Variants in GARS1 observed in about 807,000 individuals in gnomAD.
The protein encoded by GARS1 is glycine--tRNA ligase.
Under a neutral mutation model 86.4 loss-of-function variants are expected in GARS1, and 46 were observed. The observed-to-expected ratio is 0.53, with a 90% CI of 0.42 to 0.68. The LOEUF (loss-of-function observed/expected upper bound fraction) is 0.68. Among genes scored for constraint, GARS1 ranks in the 30% least tolerant of loss-of-function variants. The pLI, the probability that GARS1 is intolerant of heterozygous loss-of-function variation, is 0.00. For missense variants in GARS1, 797 were observed against 915.6 expected (o/e 0.87, Z 1.67); for synonymous variants, 342 against 329.8 (o/e 1.04, Z -0.40).
In GARS1 at chr7:30,614,853, G is replaced by A. The variant is rs1425310826; in HGVS notation, c.1032-1043G>A. 3.3e-5 allele frequency among the ~76,000 whole-genome samples: 5 copies of A among 149,464 alleles called. No homozygotes were observed. In the East Asian group the frequency reaches 9.8e-4, roughly 29 times the overall value. On this transcript the variant is annotated intron_variant, in intron 8 of 16. Transcript: ENST00000389266. ...ATCGCGCCACTGCACTCCAGCCTGG[G>A]CGAGCGAGACTCCGTCTCAAAAAAA...
At chr7:30,603,902 G>T (rs1189587584) in intron 6 of GARS1, among the ~76,000 whole-genome samples, 1 of 152,062 alleles carries the variant, frequency 6.6e-6, no homozygotes, top group Non-Finnish European at 1.5e-5. Flanking sequence ...GGAGACTTCG[G>T]GGCAGATAAC....
Position 30,628,712 on chromosome 7 carries a change from A to G in GARS1, c.1809+43A>G, listed in dbSNP as rs549452056. 48 of 1,333,234 alleles carry G rather than the reference A, an allele frequency of 3.6e-5. No homozygotes were observed. The South Asian group carries it at 5.1e-4, about 14-fold the overall frequency. 82.6% of individuals were successfully genotyped at this position (1,333,234 alleles called of 1,614,324 possible). A position where few individuals can be genotyped will look rare whatever the true frequency, so the allele number is the denominator to read the frequency against. On this transcript the variant is annotated intron_variant, in intron 14 of 16. Transcript: ENST00000389266. ...GTGTGCTGTTATAGTGTCAGAAAATAAAAATTTTCTGAATTACATTGTGAA... is the reference window on the plus strand; with the variant it reads ...GTGTGCTGTTATAGTGTCAGAAAATGAAAATTTTCTGAATTACATTGTGAA...
intron 9 of GARS1, 108 bp downstream of exon 9, chr7:30,616,166 T>C: frequency 7.7e-7 from 1 of 1,303,542 alleles, no homozygotes; most frequent in Non-Finnish European, 1.1e-6. Context: ...TGGCAGTCAT[T>C]TGCTTTTTTA....
Position 30,629,127 on chromosome 7 carries a change from T to G in GARS1, c.1809+458T>G, listed in dbSNP as rs565091204. On this transcript the variant is annotated intron_variant, in intron 14 of 16. Transcript: ENST00000389266. The stretch of plus-strand genomic sequence containing the variant: ...GTACTTTTGGGGTAAAGATGTGAAT[T>G]CCTAGGTTCTACTCTGGAGATGCTG... 3.3e-5 allele frequency among the ~76,000 whole-genome samples: 5 copies of G among 152,252 alleles called. No individual in the cohort carries two copies. The South Asian group carries it at 6.2e-4, about 19-fold the overall frequency.
chr7:30,611,906 A>G (rs947961774), intron 7 of GARS1, among the ~76,000 whole-genome samples, 190 bp from the exon 8 acceptor site: 1 of 152,176 alleles, frequency 6.6e-6, no homozygotes, highest in African/African-American at 2.4e-5. Flanking sequence ...TACTTAATAC[A>G]TTTTCTAATA....
chr7:30,602,583 A>C (rs1278827058), intron 4 of GARS1, among the ~76,000 whole-genome samples: 1 of 152,228 alleles, frequency 6.6e-6, no homozygotes, highest in Admixed American at 6.5e-5. Flanking sequence ...TTGTAGAGAT[A>C]ATACCAATGT....
In GARS1 at chr7:30,595,131, A is replaced by C. The variant is rs556701108; in HGVS notation, c.210A>C (p.Ala70=). Reference sequence around the variant, plus strand: ...AGGTGCTGGCACCTCTGAGGCTAGCAGTGCGCCAGCAGGTACCGGTGTTTT... The same window carrying C: ...AGGTGCTGGCACCTCTGAGGCTAGCCGTGCGCCAGCAGGTACCGGTGTTTT... ...AEEVLAPLRL[A]VRQQGDLVRK... is the part of the protein sequence containing the mutation. The change falls in exon 1 of 17, where the codon GCA becomes GCC. Residue 70 remains alanine, a synonymous_variant. Coordinates refer to ENST00000389266, the MANE Select transcript of GARS1 (RefSeq NM_002047.4). 3 of 1,538,204 alleles carry C rather than the reference A, an allele frequency of 2.0e-6. No homozygotes were observed. Among genetic ancestry groups the C allele is most frequent in the East Asian group, 4.9e-5 (2 of 41,060 alleles).
At chr7:30,596,248 T>C (rs952355769) in intron 1 of GARS1, among the ~76,000 whole-genome samples, 4 of 152,224 alleles carry the variant, frequency 2.6e-5, no homozygotes, top group African/African-American at 7.2e-5. Flanking sequence ...TTGCCATCTG[T>C]CCTCTTCGCT....
intron 12 of GARS1, among the ~76,000 whole-genome samples, chr7:30,624,299 C>T (rs1178451347): frequency 2.6e-5 from 4 of 151,994 alleles, no homozygotes; most frequent in African/African-American, 9.7e-5. Flanking sequence ...CTTCTTCAGG[C>T]AGAAGTATGA....
At chr7:30,598,748 C>G (rs1791313208) in intron 1 of GARS1, 48 bp from the exon 2 acceptor site, 1 of 1,484,678 alleles carries the variant, frequency 6.7e-7, no homozygotes, top group Non-Finnish European at 9.4e-7. Flanking sequence ...CCTAACATTT[C>G]TTAACTTCTG....
chr7:30,597,859 T>C (rs1299143370), intron 1 of GARS1, among the ~76,000 whole-genome samples: 1 of 152,180 alleles, frequency 6.6e-6, no homozygotes, highest in Admixed American at 6.5e-5. Context: ...TTTAACAACT[T>C]TAATTACTCA....
Position 30,631,434 on chromosome 7 carries a change from T to C in GARS1, c.1810-14T>C. 2 of 1,602,540 alleles carry C rather than the reference T, an allele frequency of 1.2e-6. No individual in the cohort carries two copies. On this transcript the variant is annotated splice_polypyrimidine_tract_variant and intron_variant, in intron 14 of 16. Transcript: ENST00000389266. ...ATTAACATATTTGGATTTTTTTCTT[T>C]TTAAATCATCCAGTTCTTCAGTTTC...
chr7:30,622,426 A>G lies in GARS1; in HGVS notation c.1577A>G (p.Tyr526Cys). The G allele has an allele frequency of 6.2e-7, 1 of 1,614,142 alleles. No individual in the cohort carries two copies. Among genetic ancestry groups the G allele is most frequent in the Non-Finnish European group, 8.5e-7 (1 of 1,179,998 alleles). Residue 526 changes from tyrosine to cysteine, a missense_variant, in exon 12 of 17, where the codon TAC becomes TGC. Physicochemically the swap from Tyr to Cys is radical, Grantham distance 194. Coordinates refer to ENST00000389266, the MANE Select transcript of GARS1 (RefSeq NM_002047.4). The stretch of plus-strand genomic sequence containing the variant: ...TATCTTGCCATTTGTGATGAGTGCT[A>G]CATTACAGAAATGGAGATGCTGCTG... ...MEYLAICDEC[Y>C]ITEMEMLLNE...
intron 11 of GARS1, 91 bp downstream of exon 11, chr7:30,621,591 A>G (rs749522164): frequency 2.1e-6 from 2 of 937,070 alleles, no homozygotes; most frequent in South Asian, 1.3e-5. Context: ...TTCTATGGAT[A>G]AATGGAGATG....
intron 13 of GARS1, among the ~76,000 whole-genome samples, chr7:30,627,476 A>T (rs2128135747): frequency 6.6e-6 from 1 of 152,350 alleles, no homozygotes; most frequent in Non-Finnish European, 1.5e-5. Flanking sequence ...TTTGGTACCA[A>T]TGATCTCATT....
At chr7:30,619,666 T>C (rs1782961705) in intron 10 of GARS1, among the ~76,000 whole-genome samples, 1 of 152,178 alleles carries the variant, frequency 6.6e-6, no homozygotes, top group Non-Finnish European at 1.5e-5. Flanking sequence ...TTTGTTGTTG[T>C]TTTGTGTTGG....
Position 30,594,879 on chromosome 7 carries a change from CT to C in GARS1, c.-41del. 6.7e-7 allele frequency: 1 copy of C among 1,495,478 alleles called. No homozygotes were observed. Among genetic ancestry groups the C allele is most frequent in the Non-Finnish European group, 9.0e-7 (1 of 1,112,244 alleles). 92.6% of individuals were successfully genotyped at this position (1,495,478 alleles called of 1,614,324 possible). ...GCTCCGAGCCGGGCGGCGCGCGCCG[CT>C]TCCGTCGCCACCCTCTCTGGACAGC... On this transcript the variant is annotated 5_prime_UTR_variant, in exon 1 of 17. Coordinates refer to ENST00000389266, the MANE Select transcript of GARS1 (RefSeq NM_002047.4).
intron 13 of GARS1, among the ~76,000 whole-genome samples, chr7:30,626,705 G>C (rs768016135): frequency 6.6e-6 from 1 of 152,226 alleles, no homozygotes; most frequent in Admixed American, 6.5e-5. Context: ...TTTAGGGGCC[G>C]GGCGTGGTGG....
At chr7:30,610,076 C>T (rs1443748339) in intron 7 of GARS1, among the ~76,000 whole-genome samples, 1 of 152,160 alleles carries the variant, frequency 6.6e-6, no homozygotes. Flanking sequence ...TTTAGTTTAG[C>T]ATGCTACTGT....
Sources: allele counts gnomAD v4.1 joint callset (sites outside exome capture counted in the v4.1 genomes callset), GRCh38; gene constraint gnomAD v4.1.1; transcripts MANE v1.5; gene names NCBI Gene and HGNC (gene_info 2026-07-23, HGNC 2026-07-21).